HVCN1: variants seen among roughly 807,000 people sequenced by gnomAD.
HVCN1 encodes voltage-gated hydrogen channel 1.
HVCN1 carries 14 observed loss-of-function variants against 29.2 expected under a neutral mutation model. That is an observed-to-expected ratio of 0.48 (90% CI 0.32 to 0.75). The LOEUF (loss-of-function observed/expected upper bound fraction) is 0.75. Ranked by LOEUF, HVCN1 falls within the 30% of genes least tolerant of loss-of-function variation. The pLI is 0.04. For missense variants in HVCN1, 263 were observed against 341.8 expected, an observed-to-expected ratio of 0.77 and a Z score of 1.82; for synonymous variants, 131 against 133.2, an observed-to-expected ratio of 0.98 and a Z score of 0.11.
chr12:110,664,685 T>C (rs1282990175), intron 3 of HVCN1, among the ~76,000 whole-genome samples: 2 of 152,336 alleles, frequency 1.3e-5, no homozygotes, highest in African/African-American at 2.4e-5. Flanking sequence ...GCAAAGACTA[T>C]AGTTCAAAGC....
At chr12:110,683,375 C>A in intron 2 of HVCN1, 111 bp from the exon 3 acceptor site, 1 of 1,320,646 alleles carries the variant, frequency 7.6e-7, no homozygotes, top group Non-Finnish European at 1.0e-6. Context: ...TTAGTTTTAA[C>A]TGTGCCCGAA....
rs1428742789 is a variant in HVCN1, at chr12:110,676,798, T to C, written c.21+6427A>G. Among the ~76,000 whole-genome samples the C allele has an allele frequency of 1.3e-5, 2 of 152,148 alleles. No homozygotes were observed. The highest frequency in any genetic ancestry group is 4.8e-5 in the African/African-American group (2 of 41,438). On this transcript the variant is annotated intron_variant, in intron 3 of 7. Coordinates refer to ENST00000242607, the MANE Select transcript of HVCN1 (RefSeq NM_032369.4). This position sits in a 1 kb window ranked among gnomAD's most constrained non-coding sequence, Gnocchi z 4.1. ...TTCCCTTTACTGATTTTAATTTCAA[T>C]CCTTTTGTGGCAATTAATCTGAGCC...
chr12:110,678,840 G>C (rs141551911), intron 3 of HVCN1, among the ~76,000 whole-genome samples: 44 of 152,306 alleles, frequency 2.9e-4, no homozygotes, highest in African/African-American at 9.9e-4. Flanking sequence ...CAGTTTTGGG[G>C]GGACACGCTT....
intron 4 of HVCN1, among the ~76,000 whole-genome samples, chr12:110,655,827 C>G (rs2067972204): frequency 6.6e-6 from 1 of 151,904 alleles, no homozygotes; most frequent in Admixed American, 6.6e-5. Context: ...ACTTCAGCCT[C>G]CCGAGTAGCT....
At chr12:110,686,122 C>A (rs1009123085) in intron 2 of HVCN1, among the ~76,000 whole-genome samples, 3 of 152,030 alleles carry the variant, frequency 2.0e-5, no homozygotes, top group African/African-American at 4.8e-5. Flanking sequence ...CTTCAGCCTC[C>A]TGAGTAGCTG....
chr12:110,655,549 T>C (rs2067960926), intron 4 of HVCN1, among the ~76,000 whole-genome samples: 1 of 152,154 alleles, frequency 6.6e-6, no homozygotes, highest in African/African-American at 2.4e-5. Flanking sequence ...CCAGCCTCCT[T>C]CCCGCCACCC....
At chr12:110,692,988 C>T (rs2069434976), upstream of HVCN1, among the ~76,000 whole-genome samples, 1 of 152,072 alleles carries the variant, frequency 6.6e-6, no homozygotes, top group Non-Finnish European at 1.5e-5. Flanking sequence ...GTCTCAGCCT[C>T]CCAAGTAGCT....
rs142508014 is a variant in HVCN1 at position 110,700,011 on chromosome 12, A to T, written c.-104+2298T>A. On this transcript the variant is annotated intron_variant, in intron 2 of 4. Coordinates refer to the HVCN1 transcript ENST00000546713. ...ATCTGCATTTCAGGCAGGAGGACCC[A>T]GGAGGGGGCGAACAAGATTGGGACC... 2.0e-5 allele frequency among the ~76,000 whole-genome samples: 3 copies of T among 152,290 alleles called. No homozygotes were observed. In the Middle Eastern group the frequency reaches 0.01, roughly 518 times the overall value.
At chr12:110,669,928 T>C (rs535391947) in intron 3 of HVCN1, among the ~76,000 whole-genome samples, 1 of 152,068 alleles carries the variant, frequency 6.6e-6, no homozygotes, top group African/African-American at 2.4e-5. Context: ...TGGTGGCACA[T>C]GCCTGTAATC....
rs756162690 is a variant in HVCN1 at position 110,661,219 on chromosome 12, G to A, written c.251C>T (p.Ala84Val). 5.0e-6 allele frequency: 8 copies of A among 1,613,852 alleles called. No individual in the cohort carries two copies. The highest frequency in any genetic ancestry group is 6.8e-6 in the Non-Finnish European group (8 of 1,179,790). ...CAACATGCCCCTGAAGTCAAGGGGG[G>A]CCCTGGGTGCGGGGCCAGGGGCAGG... Reference protein sequence around the residue: ...VAPAPGPAPRAPLDFRGMLRK... With the variant: ...VAPAPGPAPRVPLDFRGMLRK... Residue 84 changes from alanine (A) to valine (V), a missense_variant, in exon 4 of 8, where the codon GCC becomes GTC. Transcript: ENST00000242607. The surrounding 1 kb of genome is among the most constrained non-coding windows in gnomAD (Gnocchi z 6.2).
chr12:110,649,028 T>TTTTC lies in HVCN1; in HGVS notation c.*378_*381dup, dbSNP rs1000743230. The stretch of plus-strand genomic sequence containing the variant: ...TGGGGTGGCAGCTAAAGTAGCTTCT[T>TTTTC]TTTCTTTCTTTCAGAATGCTCAGAT... On this transcript the variant is annotated 3_prime_UTR_variant, in exon 8 of 8. Coordinates refer to ENST00000242607, the MANE Select transcript of HVCN1 (RefSeq NM_032369.4). 2.1e-6 allele frequency: 1 copy of TTTTC among 487,670 alleles called. No homozygotes were observed. Among genetic ancestry groups the TTTTC allele is most frequent in the Middle Eastern group, 3.1e-4 (1 of 3,260 alleles). The allele number at this position is 487,670 out of a possible 1,614,324, so 30.2% of individuals were successfully genotyped here.
chr12:110,674,188 G>C (rs2068673963), intron 3 of HVCN1, among the ~76,000 whole-genome samples: 1 of 152,232 alleles, frequency 6.6e-6, no homozygotes, highest in African/African-American at 2.4e-5. Context: ...TGAAGCCTTA[G>C]AATTTGACTG....
At chr12:110,654,089 A>G (rs984402176) in intron 5 of HVCN1, among the ~76,000 whole-genome samples, 2 of 152,144 alleles carry the variant, frequency 1.3e-5, no homozygotes, top group Non-Finnish European at 2.9e-5. Context: ...TAAAAAGTTG[A>G]GAGAAAAAAA....
intron 2 of HVCN1, among the ~76,000 whole-genome samples, chr12:110,684,823 C>G (rs1439607212): frequency 6.6e-6 from 1 of 152,140 alleles, no homozygotes; most frequent in Non-Finnish European, 1.5e-5. Context: ...TCCCCTCTAC[C>G]CATTATCCTT....
At position 110,651,248 on chromosome 12, in the gene HVCN1, G is replaced by T. The variant is rs372777561; in HGVS notation, c.612C>A (p.Leu204=). 21 of 1,613,892 alleles carry T rather than the reference G, an allele frequency of 1.3e-5. No homozygotes were observed. Among genetic ancestry groups the T allele is most frequent in the South Asian group, 4.4e-5 (4 of 91,070 alleles). ...QFEALGLLIL[L]RLWRVARIIN... ...TGATCCGGGCCACCCGCCACAGCCG[G>T]AGCAGAATCAGCAGGCCCAGAGCCT... Residue 204 remains leucine (L), a synonymous_variant, in exon 6 of 8, where the codon CTC becomes CTA. Coordinates refer to ENST00000242607, the MANE Select transcript of HVCN1 (RefSeq NM_032369.4).
chr12:110,685,720 C>T (rs965618051), intron 2 of HVCN1, among the ~76,000 whole-genome samples: 2 of 152,040 alleles, frequency 1.3e-5, no homozygotes, highest in East Asian at 3.9e-4. Flanking sequence ...GTTGGGGTCT[C>T]ACTCTGTCAC....
At chr12:110,689,545 C>G, upstream of HVCN1, 1 of 153,720 alleles carries the variant, frequency 6.5e-6, no homozygotes, top group Non-Finnish European at 1.4e-5. The surrounding 1 kb of genome is among the most constrained non-coding windows in gnomAD (Gnocchi z 5.7). Context: ...CGTCTCCGGG[C>G]CACCCCTGCC....
chr12:110,697,582 A>G (rs2069512317), intron 2 of HVCN1, among the ~76,000 whole-genome samples: 1 of 152,018 alleles, frequency 6.6e-6, no homozygotes, highest in Admixed American at 6.6e-5. Flanking sequence ...AGACTAGCAT[A>G]GCACCTGGAA....
At chr12:110,650,114 G>C (rs1400388370) in intron 7 of HVCN1, 54 bp downstream of exon 7, 1 of 1,242,112 alleles carries the variant, frequency 8.1e-7, no homozygotes, top group Admixed American at 1.7e-5. Context: ...CAAAGTGCTA[G>C]GATTACAGGC....
Sources: allele counts gnomAD v4.1 joint callset (sites outside exome capture counted in the v4.1 genomes callset), GRCh38; gene constraint gnomAD v4.1.1; non-coding constraint Gnocchi (gnomAD v3.1); transcripts MANE v1.5; gene names NCBI Gene and HGNC (gene_info 2026-07-23, HGNC 2026-07-21).